The following FAM114A2 variants were observed in gnomAD, a reference collection of about 807,000 sequenced individuals.
The protein encoded by FAM114A2 is family with sequence similarity 114 member A2, also known as protein FAM114A2.
In FAM114A2, 53 loss-of-function variants were observed where a neutral mutation model predicts 58.4. The observed-to-expected ratio is 0.91, with a 90% CI of 0.73 to 1.14. The LOEUF is 1.14. Among genes scored for constraint, FAM114A2 ranks in the 50% most tolerant of loss-of-function variants. FAM114A2 has a pLI of 0.00. For missense variants in FAM114A2, 601 were observed against 581.1 expected (o/e 1.03, Z -0.35); for synonymous variants, 228 against 211.4 (o/e 1.08, Z -0.68).
At chr5:153,996,569 TA>T (rs199965680) in intron 12 of FAM114A2, among the ~76,000 whole-genome samples, 7,406 of 143,036 alleles carry the variant, frequency 0.052, 454 homozygotes, top group African/African-American at 0.15. Context: ...CTAGGAAAAT[TA>T]AAAAAAAAAA....
chr5:154,015,364 A>T (rs1044642300), intron 8 of FAM114A2, among the ~76,000 whole-genome samples: 5 of 152,186 alleles, frequency 3.3e-5, no homozygotes, highest in Non-Finnish European at 5.9e-5. Flanking sequence ...GGATGCTCAC[A>T]GAGTCCACTT....
chr5:154,034,858 A>G lies in FAM114A2; in HGVS notation c.96T>C (p.Ser32=). 1 of 1,614,062 alleles carries G rather than the reference A, an allele frequency of 6.2e-7. No homozygotes were observed. Residue 32 remains serine (S), a synonymous_variant, in exon 2 of 14, where the codon TCT becomes TCC. Coordinates refer to ENST00000351797, the MANE Select transcript of FAM114A2 (RefSeq NM_018691.4). ...TCTCTGGTTTGGCACCTTGGTCAAC[A>G]GACTCAGAATTCTTGGCTGGCTCAC... is the stretch of plus-strand genomic sequence containing the variant. ...GNCEPAKNSE[S]VDQGAKPESK...
At chr5:153,995,116 A>C in intron 12 of FAM114A2, 144 bp from the exon 13 acceptor site, 1 of 590,790 alleles carries the variant, frequency 1.7e-6, no homozygotes, top group Non-Finnish European at 3.1e-6. Context: ...GCAAAATGTC[A>C]TCTTTAGAAT....
At position 154,002,660 on chromosome 5, in the gene FAM114A2, C is replaced by G. The variant is rs114020061; in HGVS notation, c.1116+187G>C. ...AACCTTCCTCATGACAAAACACACG[C>G]GCATCCTTTCTCTCTTTTTTTCTTC... is the stretch of plus-strand genomic sequence containing the variant. On this transcript the variant is annotated intron_variant, in intron 10 of 13. Transcript: ENST00000351797. Among the ~76,000 whole-genome samples, 5 of 152,120 alleles carry G rather than the reference C, an allele frequency of 3.3e-5. No homozygotes were observed. In the South Asian group the frequency reaches 1.0e-3, roughly 32 times the overall value.
At chr5:153,994,746 A>G in intron 13 of FAM114A2, 173 bp downstream of exon 13, 1 of 550,958 alleles carries the variant, frequency 1.8e-6, no homozygotes, top group African/African-American at 1.9e-5. Context: ...TATGCTTTCT[A>G]ATTAATAAGG....
chr5:154,010,092 A>C (rs1770590054), intron 9 of FAM114A2, among the ~76,000 whole-genome samples: 1 of 152,248 alleles, frequency 6.6e-6, no homozygotes, highest in African/African-American at 2.4e-5. Context: ...AACATTTAGA[A>C]GAGCAATAAT....
chr5:153,994,127 G>T (rs1409983161), intron 13 of FAM114A2, among the ~76,000 whole-genome samples: 1 of 152,090 alleles, frequency 6.6e-6, no homozygotes, highest in Non-Finnish European at 1.5e-5. Flanking sequence ...CTGACTACTT[G>T]ATTAAAACTG....
intron 8 of FAM114A2, 133 bp from the exon 9 acceptor site, chr5:154,011,453 T>C (rs1770695823): frequency 3.2e-6 from 2 of 618,192 alleles, no homozygotes; most frequent in South Asian, 2.2e-5. Context: ...GCAGCAGTAA[T>C]GTACATGAGC....
chr5:154,028,814 T>G (rs1471563908), intron 5 of FAM114A2, among the ~76,000 whole-genome samples: 1 of 152,164 alleles, frequency 6.6e-6, no homozygotes, highest in Admixed American at 6.5e-5. Context: ...TAACCTATGA[T>G]GGTGGAAGTC....
intron 8 of FAM114A2, among the ~76,000 whole-genome samples, chr5:154,025,494 A>C (rs1771717270): frequency 6.6e-6 from 1 of 152,176 alleles, no homozygotes; most frequent in South Asian, 2.1e-4. Context: ...TATGATGCAG[A>C]GTTCTGACTC....
intron 7 of FAM114A2, 77 bp downstream of exon 7, chr5:154,027,099 G>C (rs1771835465): frequency 8.2e-7 from 1 of 1,213,090 alleles, no homozygotes; most frequent in Non-Finnish European, 1.2e-6. Flanking sequence ...TCTTCCAAAT[G>C]TACAAAGAGA....
intron 4 of FAM114A2, 45 bp from the exon 5 acceptor site, chr5:154,029,625 A>C: frequency 3.7e-6 from 4 of 1,079,968 alleles, no homozygotes; most frequent in South Asian, 1.3e-5. Flanking sequence ...AAGGTCCCTT[A>C]ACTCTCAGGC....
At position 153,990,696 on chromosome 5, in the gene FAM114A2, C is replaced by T. The variant is rs1013492462; in HGVS notation, c.*2280G>A. The T allele has an allele frequency of 6.6e-6, 1 of 152,142 alleles. No individual in the cohort carries two copies. Among genetic ancestry groups the T allele is most frequent in the African/African-American group, 2.4e-5 (1 of 41,420 alleles). The allele number at this position is 152,142 out of a possible 1,614,324, so 9.4% of individuals were successfully genotyped here. On this transcript the variant is annotated 3_prime_UTR_variant, in exon 14 of 14. Coordinates refer to ENST00000351797, the MANE Select transcript of FAM114A2 (RefSeq NM_018691.4). Reference sequence around the variant, plus strand: ...GTAGGAAAAGACACATTTACCCTAGCAATACCTGAACATTTCACTTATTAA... The same window carrying T: ...GTAGGAAAAGACACATTTACCCTAGTAATACCTGAACATTTCACTTATTAA...
At chr5:154,002,812 AAAAC>A (rs1481711908) in intron 10 of FAM114A2, 31 bp downstream of exon 10, 2 of 1,612,252 alleles carry the variant, frequency 1.2e-6, no homozygotes, top group Non-Finnish European at 1.7e-6. Flanking sequence ...CAAATCTACT[AAAAC>A]AAACAAAAAA....
chr5:154,020,931 C>T (rs929474940), intron 8 of FAM114A2, among the ~76,000 whole-genome samples: 7 of 151,960 alleles, frequency 4.6e-5, no homozygotes, highest in African/African-American at 1.7e-4. Context: ...AGCAGCACAC[C>T]AAAAAGCTTA....
intron 8 of FAM114A2, 173 bp downstream of exon 8, chr5:154,026,222 ATGCC>A (rs541163703): frequency 5.1e-6 from 2 of 388,552 alleles, no homozygotes; most frequent in Non-Finnish European, 8.8e-6. Context: ...GCCCCCATCA[ATGCC>A]TAGTCAGGTG....
intron 11 of FAM114A2, 67 bp from the exon 12 acceptor site, chr5:153,997,942 T>G: frequency 1.0e-6 from 1 of 972,332 alleles, no homozygotes; most frequent in Non-Finnish European, 1.6e-6. Flanking sequence ...TATTTAACAA[T>G]TGTCAGAAGA....
intron 11 of FAM114A2, among the ~76,000 whole-genome samples, chr5:154,000,023 T>TA (rs1224626473): frequency 2.6e-5 from 4 of 152,128 alleles, no homozygotes; most frequent in African/African-American, 9.6e-5. Flanking sequence ...TTCAGCTATT[T>TA]AAAAAAAATG....
At chr5:153,997,679 T>A in intron 12 of FAM114A2, 124 bp downstream of exon 12, 1 of 650,812 alleles carries the variant, frequency 1.5e-6, no homozygotes, top group Non-Finnish European at 2.8e-6. Context: ...GCCGCGCAAC[T>A]CTGTAAATAT....
Sources: allele counts gnomAD v4.1 joint callset (sites outside exome capture counted in the v4.1 genomes callset), GRCh38; gene constraint gnomAD v4.1.1; transcripts MANE v1.5; gene names NCBI Gene and HGNC (gene_info 2026-07-23, HGNC 2026-07-21).